SYN2: variants seen among roughly 807,000 people sequenced by gnomAD.
The protein encoded by SYN2 is synapsin II.
SYN2 carries 19 observed loss-of-function variants against 50.9 expected under a neutral mutation model. The observed-to-expected ratio is 0.37, with a 90% CI of 0.26 to 0.55. The LOEUF (loss-of-function observed/expected upper bound fraction) is 0.55, where lower values mean the gene tolerates loss of function less well. Among genes scored for constraint, SYN2 ranks in the 20% least tolerant of loss-of-function variants. The pLI, the probability that SYN2 is intolerant of heterozygous loss-of-function variation, is 0.81. For synonymous variants in SYN2, 255 were observed against 224.9 expected (o/e 1.13, Z -1.20); for missense variants, 587 against 576.4 (o/e 1.02, Z -0.19).
intron 1 of SYN2, among the ~76,000 whole-genome samples, chr3:12,009,293 G>C (rs1013329272): frequency 2.0e-5 from 3 of 151,724 alleles, no homozygotes; most frequent in Non-Finnish European, 4.4e-5. Flanking sequence ...GCTAATGGCA[G>C]AACCAGAACT....
At position 12,109,105 on chromosome 3, in the gene SYN2, A is replaced by G. The variant is rs879520871; in HGVS notation, c.378-31546A>G. Among the ~76,000 whole-genome samples the G allele has an allele frequency of 2.6e-5, 4 of 152,166 alleles. 1 individual carries two copies. The highest frequency in any genetic ancestry group is 2.0e-4 in the Admixed American group (3 of 15,286). ...ATGAATCATTTTAAGGGAGTATTTT[A>G]TAGAAAATTGGAATAGGGTGGACTC... is the stretch of plus-strand genomic sequence containing the variant. On this transcript the variant is annotated intron_variant, in intron 1 of 12. Transcript: ENST00000621198.
chr3:12,100,097 A>G (rs1466247047), intron 1 of SYN2, among the ~76,000 whole-genome samples: 2 of 152,114 alleles, frequency 1.3e-5, no homozygotes, highest in Non-Finnish European at 2.9e-5. Context: ...TATGGATTAC[A>G]TTGAACCTGT....
At chr3:12,050,622 G>A (rs1694835050) in intron 1 of SYN2, among the ~76,000 whole-genome samples, 1 of 151,104 alleles carries the variant, frequency 6.6e-6, no homozygotes, top group Non-Finnish European at 1.5e-5. Flanking sequence ...GGGATTACAG[G>A]CGTGAGCCAC....
intron 5 of SYN2, among the ~76,000 whole-genome samples, chr3:12,156,643 G>A (rs1007784565): frequency 1.3e-5 from 2 of 152,162 alleles, no homozygotes; most frequent in South Asian, 4.1e-4. Context: ...TTAAAGGGAG[G>A]TTACAAGGCT....
chr3:12,025,523 C>G (rs1185581039), intron 1 of SYN2, among the ~76,000 whole-genome samples: 1 of 152,142 alleles, frequency 6.6e-6, no homozygotes, highest in Non-Finnish European at 1.5e-5. Context: ...ATTTTACAAG[C>G]CAGAAAACTG....
At chr3:12,032,911 C>A (rs1694410137) in intron 1 of SYN2, among the ~76,000 whole-genome samples, 1 of 104,446 alleles carries the variant, frequency 9.6e-6, no homozygotes, top group South Asian at 4.0e-4. Flanking sequence ...CAGCTTTGTT[C>A]CGTTGCTGGT....
At chr3:12,174,544 G>A (rs983242590) in intron 10 of SYN2, among the ~76,000 whole-genome samples, 1 of 152,022 alleles carries the variant, frequency 6.6e-6, no homozygotes, top group Non-Finnish European at 1.5e-5. Flanking sequence ...GTGTGGTGGT[G>A]CATCTCAGCT....
chr3:12,047,059 G>GT (rs1305022396), intron 1 of SYN2, among the ~76,000 whole-genome samples: 1 of 152,088 alleles, frequency 6.6e-6, no homozygotes, highest in Non-Finnish European at 1.5e-5. Context: ...GCACTACCTT[G>GT]TTTTTTTCAT....
At chr3:12,070,620 A>T in intron 1 of SYN2, 1 of 1,379,696 alleles carries the variant, frequency 7.2e-7, no homozygotes, top group Non-Finnish European at 9.9e-7. Context: ...GACCTTCAAC[A>T]CCCTGTCCAT....
chr3:12,106,830 A>G (rs572933570), intron 1 of SYN2, among the ~76,000 whole-genome samples: 27 of 152,310 alleles, frequency 1.8e-4, no homozygotes, highest in African/African-American at 6.5e-4. Context: ...TTGTAGTTTT[A>G]ATAACATGAT....
At chr3:12,135,377 T>C (rs1306645707) in intron 1 of SYN2, among the ~76,000 whole-genome samples, 1 of 152,208 alleles carries the variant, frequency 6.6e-6, no homozygotes, top group East Asian at 1.9e-4. Flanking sequence ...GAACAAGGCC[T>C]GAGTCAGAGT....
chr3:12,027,550 T>C (rs962065056), intron 1 of SYN2, among the ~76,000 whole-genome samples: 2 of 152,204 alleles, frequency 1.3e-5, no homozygotes, highest in Non-Finnish European at 2.9e-5. Context: ...TCATCCATTT[T>C]ACAAAACACT....
intron 1 of SYN2, among the ~76,000 whole-genome samples, chr3:12,018,475 A>C (rs1694066431): frequency 6.6e-6 from 1 of 152,126 alleles, no homozygotes; most frequent in Admixed American, 6.5e-5. Flanking sequence ...CTGGTTGGAA[A>C]TTTTGTGGGC....
At chr3:12,061,041 A>G (rs1006009260) in intron 1 of SYN2, among the ~76,000 whole-genome samples, 5 of 152,204 alleles carry the variant, frequency 3.3e-5, no homozygotes, top group African/African-American at 1.2e-4. Context: ...AGAGATGGAA[A>G]CTGTAGGAAT....
intron 3 of SYN2, among the ~76,000 whole-genome samples, chr3:12,142,572 C>G (rs1196518960): frequency 6.6e-6 from 1 of 152,126 alleles, no homozygotes; most frequent in East Asian, 1.9e-4. Context: ...AGAAAATTAG[C>G]AATTATTGAG....
intron 1 of SYN2, among the ~76,000 whole-genome samples, chr3:12,125,854 A>AC (rs1559430030): frequency 6.6e-6 from 1 of 151,694 alleles, no homozygotes; most frequent in Non-Finnish European, 1.5e-5. Context: ...AAAAAAAAAA[A>AC]AAACCCACAA....
In SYN2 at chr3:12,061,718, A is replaced by C. The variant is rs552873553; in HGVS notation, c.377+56790A>C. Among the ~76,000 whole-genome samples the C allele has an allele frequency of 3.3e-5, 5 of 152,152 alleles. No individual in the cohort carries two copies. In the South Asian group the frequency reaches 1.0e-3, roughly 32 times the overall value. ...TCCAGGACACAAGGTGAGTATATAT[A>C]ATTAGTTATTTTCCTGTATACCACA... On this transcript the variant is annotated intron_variant, in intron 1 of 12. Transcript: ENST00000621198.
intron 3 of SYN2, among the ~76,000 whole-genome samples, chr3:12,143,487 A>G (rs1697075417): frequency 6.6e-6 from 1 of 151,904 alleles, no homozygotes; most frequent in African/African-American, 2.4e-5. Context: ...TTCCATCTTT[A>G]TGTCTATGTG....
chr3:12,020,294 G>A (rs2125135155), intron 1 of SYN2, among the ~76,000 whole-genome samples: 1 of 152,110 alleles, frequency 6.6e-6, no homozygotes, highest in East Asian at 1.9e-4. Flanking sequence ...GTTCTCTGCT[G>A]GTCTGTTTTT....
Sources: gnomAD v4.1 joint callset for allele counts (sites outside exome capture counted in the v4.1 genomes callset) on GRCh38, gnomAD v4.1.1 for gene constraint, MANE v1.5 for transcripts, NCBI Gene and HGNC (gene_info 2026-07-23, HGNC 2026-07-21) for gene names.